Variants in DEDD observed in about 807,000 individuals in gnomAD.
The protein encoded by DEDD is death effector domain-containing protein.
DEDD carries 3 observed loss-of-function variants against 29.2 expected under a neutral mutation model. The ratio of observed to expected loss-of-function variants is 0.10; its 90% CI spans 0.05 to 0.27. The LOEUF is 0.27. DEDD is among the 10% of genes least tolerant of loss of function. DEDD has a pLI of 1.00. For missense variants in DEDD, 261 were observed against 420.5 expected (o/e 0.62, Z 3.32); for synonymous variants, 152 against 161.3 (o/e 0.94, Z 0.44).
In DEDD at chr1:161,132,615, C is replaced by T. The variant is rs573963874; in HGVS notation, c.-162G>A. On this transcript the variant is annotated 5_prime_UTR_variant, in exon 1 of 6. In the 5' UTR this introduces an upstream ATG that the reference lacks. Coordinates refer to ENST00000368006, the MANE Select transcript of DEDD (RefSeq NM_032998.3). The stretch of plus-strand genomic sequence containing the variant: ...GCGCCGCTCTCCCGGGCCTGCCTCA[C>T]GGCGCCGCATCCGGGCTCCAGCAGC... 17 of 165,702 alleles carry T rather than the reference C, an allele frequency of 1.0e-4. No homozygotes were observed. Among genetic ancestry groups the T allele is most frequent in the Non-Finnish European group, 1.7e-4 (13 of 78,706 alleles). 10.3% of individuals were successfully genotyped at this position (165,702 alleles called of 1,614,324 possible).
At chr1:161,124,681 G>A (rs1655963877) in intron 2 of DEDD, 155 bp from the exon 3 acceptor site, 1 of 1,014,856 alleles carries the variant, frequency 9.9e-7, no homozygotes, top group Non-Finnish European at 1.3e-6. Flanking sequence ...ATAAACACTG[G>A]CCAGGCACAG....
At chr1:161,128,085 G>C (rs896455457) in intron 2 of DEDD, among the ~76,000 whole-genome samples, 4 of 152,154 alleles carry the variant, frequency 2.6e-5, no homozygotes, top group African/African-American at 9.7e-5. Flanking sequence ...CCCTACATTT[G>C]AGAGGAAACA....
intron 4 of DEDD, 70 bp downstream of exon 4, chr1:161,123,769 C>T: frequency 2.9e-6 from 4 of 1,386,420 alleles, no homozygotes; most frequent in Non-Finnish European, 4.0e-6. Context: ...GCTGGCAAAG[C>T]CCAGAATGTG....
chr1:161,126,447 G>A (rs999907701), intron 2 of DEDD, among the ~76,000 whole-genome samples: 1 of 150,458 alleles, frequency 6.6e-6, no homozygotes, highest in Non-Finnish European at 1.5e-5. Context: ...AGGTTCAAGC[G>A]ATTCTCCTGC....
chr1:161,131,919 C>T (rs1211724443), intron 1 of DEDD, among the ~76,000 whole-genome samples: 1 of 151,930 alleles, frequency 6.6e-6, no homozygotes. Context: ...TCCTCCCAAA[C>T]TTTCTTCCTC....
At chr1:161,124,629 C>A in intron 2 of DEDD, 103 bp from the exon 3 acceptor site, 1 of 1,344,868 alleles carries the variant, frequency 7.4e-7, no homozygotes, top group East Asian at 2.6e-5. Flanking sequence ...CAGTATAGTG[C>A]TTTATACATG....
intron 4 of DEDD, among the ~76,000 whole-genome samples, chr1:161,123,479 AC>A (rs1655768942): frequency 6.6e-6 from 1 of 152,086 alleles, no homozygotes; most frequent in Non-Finnish European, 1.5e-5. Flanking sequence ...CTCTAAAAAT[AC>A]AAAAAATTAG....
chr1:161,123,730 A>T, intron 4 of DEDD, 109 bp downstream of exon 4: 2 of 932,742 alleles, frequency 2.1e-6, no homozygotes, highest in Non-Finnish European at 1.6e-6. Flanking sequence ...ATGGGGCAAG[A>T]TGTGGGCGCA....
chr1:161,126,289 C>CCTGCTT (rs1167192353), intron 2 of DEDD, among the ~76,000 whole-genome samples: 2 of 151,998 alleles, frequency 1.3e-5, no homozygotes, highest in African/African-American at 4.8e-5. Flanking sequence ...AAGTCACTTT[C>CCTGCTT]CTGCTTCAGA....
chr1:161,121,023 G>A lies in DEDD; in HGVS notation c.*1124C>T, dbSNP rs1655431570. The A allele has an allele frequency of 7.3e-7, 1 of 1,363,336 alleles. No homozygotes were observed. Among genetic ancestry groups the A allele is most frequent in the Middle Eastern group, 2.8e-4 (1 of 3,600 alleles). 84.5% of individuals were successfully genotyped at this position (1,363,336 alleles called of 1,614,324 possible). On this transcript the variant is annotated 3_prime_UTR_variant, in exon 6 of 6. Coordinates refer to ENST00000368006, the MANE Select transcript of DEDD (RefSeq NM_032998.3). ...TTCATGGAAACTGAAGTTCTGCTGA[G>A]GGCTGAGCAGCACTGGCATTGAAAA...
At chr1:161,125,906 C>T (rs1452978824) in intron 2 of DEDD, among the ~76,000 whole-genome samples, 1 of 152,212 alleles carries the variant, frequency 6.6e-6, no homozygotes, top group Non-Finnish European at 1.5e-5. Context: ...GCTCTTGATT[C>T]ACAAAGTTCC....
At chr1:161,130,783 G>A (rs926480491) in intron 2 of DEDD, 32 bp downstream of exon 2, 2 of 152,072 alleles carry the variant, frequency 1.3e-5, no homozygotes, top group African/African-American at 2.4e-5. Flanking sequence ...CCCTTCCATT[G>A]TTTGAAAACA....
At chr1:161,128,913 G>A (rs1201056473) in intron 2 of DEDD, among the ~76,000 whole-genome samples, 2 of 152,162 alleles carry the variant, frequency 1.3e-5, no homozygotes, top group Non-Finnish European at 2.9e-5. Context: ...GTCACCTGCT[G>A]TTGCCATTCA....
In DEDD at chr1:161,122,476, G is replaced by A. The variant is rs373272159; in HGVS notation, c.628C>T (p.Leu210=). Residue 210 remains leucine, a synonymous_variant, in exon 6 of 6, where the codon CTG becomes TTG. Coordinates refer to ENST00000368006, the MANE Select transcript of DEDD (RefSeq NM_032998.3). This position sits in a 1 kb window ranked among gnomAD's most constrained non-coding sequence, Gnocchi z 4.2. The part of the protein sequence containing the change: ...RAEYCQHETA[L]QGNVFSNKQD... ...TTGTTAGAGAAGACATTGCCCTGCA[G>A]AGCAGTCTCATGCTGGCAGTATTCA... 3.7e-6 allele frequency: 6 copies of A among 1,614,086 alleles called. No homozygotes were observed. The African/African-American group carries it at 8.0e-5, about 22-fold the overall frequency.
intron 2 of DEDD, chr1:161,125,395 A>G (rs1225286461): frequency 6.6e-6 from 1 of 152,234 alleles, no homozygotes; most frequent in Non-Finnish European, 1.5e-5. Context: ...AAGTTTATCA[A>G]TATTTACCAA....
chr1:161,127,007 C>T (rs192454122), intron 2 of DEDD, among the ~76,000 whole-genome samples: 58 of 152,274 alleles, frequency 3.8e-4, no homozygotes, highest in African/African-American at 1.4e-3. Context: ...CATTTATCAC[C>T]ATGTACTAAA....
chr1:161,130,353 T>C (rs1656565052), intron 2 of DEDD, among the ~76,000 whole-genome samples: 1 of 152,128 alleles, frequency 6.6e-6, no homozygotes, highest in South Asian at 2.1e-4. Flanking sequence ...ATAGGAAATG[T>C]AATCAAATAT....
chr1:161,126,563 C>G (rs1557982624), intron 2 of DEDD, among the ~76,000 whole-genome samples: 1 of 151,736 alleles, frequency 6.6e-6, no homozygotes, highest in Non-Finnish European at 1.5e-5. Context: ...AGACTGGTCT[C>G]GAACTCCTGA....
At chr1:161,128,057 A>C (rs752120077) in intron 2 of DEDD, among the ~76,000 whole-genome samples, 16 of 152,160 alleles carry the variant, frequency 1.1e-4, no homozygotes, top group Admixed American at 3.9e-4. Context: ...TATAAGCTTC[A>C]ATCCTTTGAA....
Sources: allele counts gnomAD v4.1 joint callset (sites outside exome capture counted in the v4.1 genomes callset), GRCh38; gene constraint gnomAD v4.1.1; non-coding constraint Gnocchi (gnomAD v3.1); transcripts MANE v1.5; gene names NCBI Gene and HGNC (gene_info 2026-07-23, HGNC 2026-07-21).